The following STUM variants were observed in gnomAD, a reference collection of about 807,000 sequenced individuals.
STUM encodes the protein protein stum homolog.
STUM carries 8 observed loss-of-function variants against 15.3 expected under a neutral mutation model. That is an observed-to-expected ratio of 0.52 (90% CI 0.31 to 0.94). The LOEUF (loss-of-function observed/expected upper bound fraction) is 0.94, where lower values mean the gene tolerates loss of function less well. Among genes scored for constraint, STUM ranks in the 40% least tolerant of loss-of-function variants. The pLI, the probability that STUM is intolerant of heterozygous loss-of-function variation, is 0.05. For synonymous variants in STUM, 78 were observed against 88.7 expected (o/e 0.88, Z 0.68); for missense variants, 142 against 204.9 (o/e 0.69, Z 1.87).
chr1:226,598,429 C>T (rs947259082), intron 2 of STUM, among the ~76,000 whole-genome samples: 3 of 152,146 alleles, frequency 2.0e-5, no homozygotes, highest in Admixed American at 6.5e-5. Context: ...TGCATTAAAG[C>T]GGAACATGAC....
intron 1 of STUM, among the ~76,000 whole-genome samples, chr1:226,561,561 C>T (rs1452036795): frequency 6.6e-6 from 1 of 152,106 alleles, no homozygotes; most frequent in East Asian, 1.9e-4. Flanking sequence ...CTGTGGGGGA[C>T]TTGTTGGAGC....
rs1272455453 is a variant in STUM at position 226,548,951 on chromosome 1, C to CGGT, written c.50_52dup (p.Val17dup). 2 of 1,454,914 alleles carry CGGT rather than the reference C, an allele frequency of 1.4e-6. No individual in the cohort carries two copies. The highest frequency in any genetic ancestry group is 1.5e-5 in the African/African-American group (1 of 66,838). 90.1% of individuals were successfully genotyped at this position (1,454,914 alleles called of 1,614,324 possible). On this transcript the variant is annotated inframe_insertion, in exon 1 of 4. Coordinates refer to ENST00000366788, the MANE Select transcript of STUM (RefSeq NM_001003665.4). The stretch of plus-strand genomic sequence containing the variant: ...GCCGAGACGGCGGCGGCGGCGGCGG[C>CGGT]GGTGGCGGCGGCGGACCCCCGGGGG...
At chr1:226,601,517 C>T (rs559614575) in intron 3 of STUM, among the ~76,000 whole-genome samples, 77 of 152,330 alleles carry the variant, frequency 5.1e-4, no homozygotes, top group African/African-American at 1.5e-3. Flanking sequence ...AAGGTTTAGC[C>T]TTCAGGCGCC....
intron 1 of STUM, among the ~76,000 whole-genome samples, chr1:226,551,673 C>G (rs1487324930): frequency 6.6e-6 from 1 of 152,236 alleles, no homozygotes; most frequent in Non-Finnish European, 1.5e-5. Context: ...TTGACCAACA[C>G]AGGCACCTAC....
rs2102720169 is a variant in STUM at position 226,607,746 on chromosome 1, GCCCTCAAA to G, written c.*5712_*5719del. 6.6e-6 allele frequency: 1 copy of G among 152,370 alleles called. No individual in the cohort carries two copies. The highest frequency in any genetic ancestry group is 2.1e-4 in the South Asian group (1 of 4,826). 9.4% of individuals were successfully genotyped at this position (152,370 alleles called of 1,614,324 possible). A position where few individuals can be genotyped will look rare whatever the true frequency, so the allele number is the denominator to read the frequency against. ...ATTTGCATTTAGCTAGGGAAACTCGGCCCTCAAACCCTCTCCCTCTCTGCCTGAATTTG... is the reference window on the plus strand; with the variant it reads ...ATTTGCATTTAGCTAGGGAAACTCGGCCCTCTCCCTCTCTGCCTGAATTTG... On this transcript the variant is annotated 3_prime_UTR_variant, in exon 4 of 4. Transcript: ENST00000366788.
intron 1 of STUM, among the ~76,000 whole-genome samples, chr1:226,582,097 G>A (rs589616): frequency 0.48 from 72,349 of 152,028 alleles, 17,416 homozygotes; most frequent in Admixed American, 0.54. Flanking sequence ...CCTCCTGGAA[G>A]CCCTGGTCCC....
intron 1 of STUM, among the ~76,000 whole-genome samples, chr1:226,583,453 T>C (rs935302603): frequency 6.6e-6 from 1 of 152,228 alleles, no homozygotes; most frequent in African/African-American, 2.4e-5. Context: ...ATAATGATAA[T>C]GGTTTTACCT....
At chr1:226,564,445 C>A (rs528507316) in intron 1 of STUM, among the ~76,000 whole-genome samples, 2 of 152,132 alleles carry the variant, frequency 1.3e-5, no homozygotes, top group Non-Finnish European at 2.9e-5. Flanking sequence ...ATCATGGGAG[C>A]GGACTGCCAC....
At chr1:226,581,681 G>A (rs1667921014) in intron 1 of STUM, among the ~76,000 whole-genome samples, 1 of 152,314 alleles carries the variant, frequency 6.6e-6, no homozygotes, top group African/African-American at 2.4e-5. Context: ...TGGACAGCCA[G>A]GTAGTGGGTG....
chr1:226,594,215 C>T (rs542317929), intron 1 of STUM, among the ~76,000 whole-genome samples: 6 of 151,888 alleles, frequency 4.0e-5, no homozygotes, highest in East Asian at 3.9e-4. Flanking sequence ...TAGGAGCCAG[C>T]GAGTTGGGCA....
rs553305586 is a variant in STUM at position 226,577,334 on chromosome 1, G to A, written c.203-19468G>A. ...ATTCTAGTAAATAGGAAAGCAAAAA[G>A]CAAAGCAAACCCGGTTAAAAAAAAA... is the stretch of plus-strand genomic sequence containing the variant. On this transcript the variant is annotated intron_variant, in intron 1 of 3. Coordinates refer to ENST00000366788, the MANE Select transcript of STUM (RefSeq NM_001003665.4). 1.0e-3 allele frequency among the ~76,000 whole-genome samples: 153 copies of A among 151,618 alleles called. 1 individual carries two copies. Among genetic ancestry groups the A allele is most frequent in the African/African-American group, 3.7e-3 (151 of 41,298 alleles).
Position 226,603,617 on chromosome 1 carries a change from GGGAA to G in STUM, c.*1579_*1582del, listed in dbSNP as rs2102716607. The G allele has an allele frequency of 6.6e-6, 1 of 152,320 alleles. No individual in the cohort carries two copies. The highest frequency in any genetic ancestry group is 2.1e-4 in the South Asian group (1 of 4,826). 9.4% of individuals were successfully genotyped at this position (152,320 alleles called of 1,614,324 possible). A position where few individuals can be genotyped will look rare whatever the true frequency, so the allele number is the denominator to read the frequency against. ...GGGATTTTGCAGGATGAAAGTGCTT[GGGAA>G]GTAGTGGCCACCGTTCTGGGGGTTT... On this transcript the variant is annotated 3_prime_UTR_variant, in exon 4 of 4. Transcript: ENST00000366788.
intron 1 of STUM, among the ~76,000 whole-genome samples, chr1:226,556,657 G>A (rs1190454413): frequency 6.6e-6 from 1 of 152,170 alleles, no homozygotes; most frequent in Non-Finnish European, 1.5e-5. Flanking sequence ...CTCCTCAGTA[G>A]CATGGAACCT....
At chr1:226,576,550 A>AT (rs541167232) in intron 1 of STUM, among the ~76,000 whole-genome samples, 27 of 151,602 alleles carry the variant, frequency 1.8e-4, no homozygotes, top group South Asian at 4.2e-4. Flanking sequence ...CCCAAAAGGC[A>AT]TTTTTTTTTA....
At chr1:226,583,897 C>A (rs1421680110) in intron 1 of STUM, among the ~76,000 whole-genome samples, 1 of 152,152 alleles carries the variant, frequency 6.6e-6, no homozygotes, top group Non-Finnish European at 1.5e-5. Flanking sequence ...ACCAAACATC[C>A]TCGCCCACTT....
At chr1:226,562,417 C>T (rs895351977) in intron 1 of STUM, among the ~76,000 whole-genome samples, 1 of 150,392 alleles carries the variant, frequency 6.6e-6, no homozygotes, top group Non-Finnish European at 1.5e-5. Flanking sequence ...TGCAGTGAGC[C>T]GAGATTGTGC....
At chr1:226,576,581 C>T (rs1227101392) in intron 1 of STUM, among the ~76,000 whole-genome samples, 2 of 152,082 alleles carry the variant, frequency 1.3e-5, no homozygotes, top group African/African-American at 2.4e-5. Context: ...ATGTGCATAA[C>T]GTAATATTTA....
chr1:226,569,555 C>T (rs1354967442), intron 1 of STUM, among the ~76,000 whole-genome samples: 2 of 152,196 alleles, frequency 1.3e-5, no homozygotes, highest in African/African-American at 2.4e-5. Flanking sequence ...CCTCAGAATC[C>T]CTTGGGACGC....
chr1:226,564,909 C>A (rs1051451268), intron 1 of STUM, among the ~76,000 whole-genome samples: 1 of 152,138 alleles, frequency 6.6e-6, no homozygotes, highest in Non-Finnish European at 1.5e-5. Flanking sequence ...CAGAGGTGGG[C>A]AGGGGAGGAG....
Sources: allele counts gnomAD v4.1 joint callset (sites outside exome capture counted in the v4.1 genomes callset), GRCh38; gene constraint gnomAD v4.1.1; transcripts MANE v1.5; gene names NCBI Gene and HGNC (gene_info 2026-07-23, HGNC 2026-07-21).